SLC29A1: variants seen among roughly 807,000 people sequenced by gnomAD.
SLC29A1 encodes solute carrier family 29 member 1 (Augustine blood group).
A neutral mutation model predicts 48.3 loss-of-function variants in SLC29A1; 22 were observed. The ratio of observed to expected loss-of-function variants is 0.46; its 90% CI spans 0.33 to 0.65. The LOEUF is 0.65. Among genes scored for constraint, SLC29A1 ranks in the 30% least tolerant of loss-of-function variants. SLC29A1 has a pLI of 0.03. For synonymous variants in SLC29A1, 228 were observed against 231.0 expected, an observed-to-expected ratio of 0.99 and a Z score of 0.12; for missense variants, 491 against 575.3, an observed-to-expected ratio of 0.85 and a Z score of 1.50.
intron 9 of SLC29A1, among the ~76,000 whole-genome samples, 170 bp from the exon 10 acceptor site, chr6:44,231,828 A>C (rs1170176727): frequency 2.0e-5 from 3 of 152,136 alleles, no homozygotes; most frequent in Non-Finnish European, 4.4e-5. Context: ...GGGTTTCACC[A>C]GGTCAAGCTG....
chr6:44,226,769 G>A (rs575552560), intron 1 of SLC29A1: 87 of 1,000,234 alleles, frequency 8.7e-5, no homozygotes, highest in Non-Finnish European at 9.8e-5. Context: ...CGATGTTGTC[G>A]CAGCTGCTGC....
At position 44,229,044 on chromosome 6, in the gene SLC29A1, C is replaced by T. The variant is rs1025733645; in HGVS notation, c.30-346C>T. Among the ~76,000 whole-genome samples the T allele has an allele frequency of 1.1e-4, 17 of 152,232 alleles. No homozygotes were observed. The highest frequency in any genetic ancestry group is 3.4e-4 in the African/African-American group (14 of 41,454). ...TTGCTTTCTCACTCATCCACCCACC[C>T]CCTGCCCTTCGGCAGGATTTCCAAA... On this transcript the variant is annotated intron_variant, in intron 2 of 12. Coordinates refer to ENST00000371755, the MANE Select transcript of SLC29A1 (RefSeq NM_001372327.1). This position sits in a 1 kb window ranked among gnomAD's most constrained non-coding sequence, Gnocchi z 5.1.
rs902036426 is a variant in SLC29A1 at position 44,231,984 on chromosome 6, C to G, written c.865-14C>G. 1 of 1,585,042 alleles carries G rather than the reference C, an allele frequency of 6.3e-7. No individual in the cohort carries two copies. The highest frequency in any genetic ancestry group is 1.3e-5 in the African/African-American group (1 of 74,314). On this transcript the variant is annotated splice_polypyrimidine_tract_variant and intron_variant, in intron 9 of 12. Coordinates refer to ENST00000371755, the MANE Select transcript of SLC29A1 (RefSeq NM_001372327.1). ...AGACACAGGCATTTGGGTGACTCTA[C>G]CCCTTCTATCTAGATCTCAGTCCTG...
In SLC29A1 at chr6:44,229,910, C is replaced by T; in HGVS notation, c.318C>T (p.Ile106=). 1 of 1,612,906 alleles carries T rather than the reference C, an allele frequency of 6.2e-7. No individual in the cohort carries two copies. The change falls in exon 5 of 13, where the codon ATC becomes ATT. Residue 106 remains isoleucine (I), a synonymous_variant. Coordinates refer to ENST00000371755, the MANE Select transcript of SLC29A1 (RefSeq NM_001372327.1). The surrounding 1 kb of genome is among the most constrained non-coding windows in gnomAD (Gnocchi z 5.1). The stretch of plus-strand genomic sequence containing the variant: ...CACCCTTGGCCTCTCCCGGCAGGAT[C>T]CCCCAGTCCGTACGGATCCTGGGCA... ...TYLNSFLHQR[I]PQSVRILGSL...
rs756343901 is a variant in SLC29A1, at chr6:44,229,375, C to T, written c.30-15C>T. ...ATGGTGCGTCATTTGGCCCATCTTTCCTCCTCCATTGCAGATACAAAGCTG... is the reference window on the plus strand; with the variant it reads ...ATGGTGCGTCATTTGGCCCATCTTTTCTCCTCCATTGCAGATACAAAGCTG... On this transcript the variant is annotated splice_polypyrimidine_tract_variant and intron_variant, in intron 2 of 12. Transcript: ENST00000371755. This position sits in a 1 kb window ranked among gnomAD's most constrained non-coding sequence, Gnocchi z 5.1. 125 of 1,605,866 alleles carry T rather than the reference C, an allele frequency of 7.8e-5. No individual in the cohort carries two copies. The Admixed American group carries it at 2.0e-3, about 26-fold the overall frequency.
In SLC29A1 at chr6:44,230,667, T is replaced by C; in HGVS notation, c.687+2T>C. 6.3e-7 allele frequency: 1 copy of C among 1,584,982 alleles called. No individual in the cohort carries two copies. Among genetic ancestry groups the C allele is most frequent in the Non-Finnish European group, 8.5e-7 (1 of 1,171,150 alleles). ...TGTTACCTGGGCCTGCCCCGCCTGG[T>C]GAGTAAATGGAGGGAGCTGGGGTTT... On this transcript the variant is annotated splice_donor_variant, in intron 7 of 12. Transcript: ENST00000371755. LOFTEE classifies it high-confidence loss of function.
At chr6:44,222,933 G>C (rs1217401152), upstream of SLC29A1, among the ~76,000 whole-genome samples, 2 of 152,256 alleles carry the variant, frequency 1.3e-5, no homozygotes, top group African/African-American at 4.8e-5. Context: ...GCACACGCAA[G>C]CACAGGCAGA....
chr6:44,227,066 G>A lies in SLC29A1; in HGVS notation c.-51-197G>A, dbSNP rs115781628. ...TAGAGTCTGAGCAGGCAGGGGGGCC[G>A]CGCAGGACTGGCCTGCTGGGCCAGG... On this transcript the variant is annotated intron_variant, in intron 1 of 12. Transcript: ENST00000371755. The A allele has an allele frequency of 7.4e-3, 10,269 of 1,386,048 alleles. 475 individuals carry two copies. The African/African-American group carries it at 0.11, about 15-fold the overall frequency. 85.9% of individuals were successfully genotyped at this position (1,386,048 alleles called of 1,614,324 possible). A position where few individuals can be genotyped will look rare whatever the true frequency, so the allele number is the denominator to read the frequency against.
In SLC29A1 at chr6:44,229,177, C is replaced by T. The variant is rs778400969; in HGVS notation, c.30-213C>T. On this transcript the variant is annotated intron_variant, in intron 2 of 12. Transcript: ENST00000371755. The surrounding 1 kb of genome is among the most constrained non-coding windows in gnomAD (Gnocchi z 5.1). ...TCAGCCATGCCATTCAGTCCTATGACCCTGACCCCATCCCCACCCCAAATT... is the reference window on the plus strand; with the variant it reads ...TCAGCCATGCCATTCAGTCCTATGATCCTGACCCCATCCCCACCCCAAATT... Among the ~76,000 whole-genome samples, 2 of 152,210 alleles carry T rather than the reference C, an allele frequency of 1.3e-5. No homozygotes were observed. The highest frequency in any genetic ancestry group is 2.4e-5 in the African/African-American group (1 of 41,452).
Position 44,229,303 on chromosome 6 carries a change from G to A in SLC29A1, c.30-87G>A. 1.9e-6 allele frequency: 2 copies of A among 1,041,136 alleles called. No homozygotes were observed. Among genetic ancestry groups the A allele is most frequent in the Non-Finnish European group, 3.0e-6 (2 of 657,760 alleles). The allele number at this position is 1,041,136 out of a possible 1,614,324, so 64.5% of individuals were successfully genotyped here. On this transcript the variant is annotated intron_variant, in intron 2 of 12. Coordinates refer to ENST00000371755, the MANE Select transcript of SLC29A1 (RefSeq NM_001372327.1). The surrounding 1 kb of genome is among the most constrained non-coding windows in gnomAD (Gnocchi z 5.1). ...CTGTGCCCTGGGACCTAGAGAGACT[G>A]ACAACGGACAGGGGCTTTCCTGGGG...
chr6:44,224,928 G>C (rs1777150212), intron 1 of SLC29A1, among the ~76,000 whole-genome samples: 1 of 152,190 alleles, frequency 6.6e-6, no homozygotes, highest in Admixed American at 6.5e-5. Context: ...TGGGCAGGAG[G>C]AGAGGGCTGG....
In SLC29A1 at chr6:44,232,678, G is replaced by A. The variant is rs1259699060; in HGVS notation, c.1060-129G>A. The A allele has an allele frequency of 1.2e-6, 1 of 845,854 alleles. No individual in the cohort carries two copies. Among genetic ancestry groups the A allele is most frequent in the Non-Finnish European group, 1.9e-6 (1 of 530,454 alleles). The allele number at this position is 845,854 out of a possible 1,614,324, so 52.4% of individuals were successfully genotyped here. ...AGGCTCCACCATGCCCCTTTCAAGA[G>A]TAACCCCCTAAGGAGAACCAGGCTT... is the stretch of plus-strand genomic sequence containing the variant. On this transcript the variant is annotated intron_variant, in intron 11 of 12. Coordinates refer to ENST00000371755, the MANE Select transcript of SLC29A1 (RefSeq NM_001372327.1). The surrounding 1 kb of genome is among the most constrained non-coding windows in gnomAD (Gnocchi z 4.7).
At chr6:44,230,706 C>A in intron 7 of SLC29A1, 41 bp downstream of exon 7, 1 of 446,956 alleles carries the variant, frequency 2.2e-6, no homozygotes, top group South Asian at 1.7e-5. Flanking sequence ...GTATAGGGGT[C>A]TGGGGTTCCA....
At chr6:44,221,302 A>C (rs760093625), upstream of SLC29A1, among the ~76,000 whole-genome samples, 3 of 152,208 alleles carry the variant, frequency 2.0e-5, no homozygotes, top group Non-Finnish European at 4.4e-5. The surrounding 1 kb of genome is among the most constrained non-coding windows in gnomAD (Gnocchi z 4.2). Context: ...AGATACAGTC[A>C]CAAACACAAC....
In SLC29A1 at chr6:44,232,962, C is replaced by A; in HGVS notation, c.1215C>A (p.Phe405Leu). The A allele has an allele frequency of 6.2e-7, 1 of 1,613,948 alleles. No homozygotes were observed. The highest frequency in any genetic ancestry group is 8.5e-7 in the Non-Finnish European group (1 of 1,180,048). Residue 405 changes from phenylalanine (F) to leucine (L), a missense_variant, in exon 12 of 13, where the codon TTC becomes TTA. Coordinates refer to ENST00000371755, the MANE Select transcript of SLC29A1 (RefSeq NM_001372327.1). The surrounding 1 kb of genome is among the most constrained non-coding windows in gnomAD (Gnocchi z 4.7). ...WFIFFMAAFA[F>L]SNGYLASLCM... ...TCTTCTTCATGGCTGCCTTTGCCTT[C>A]TCCAACGGCTACCTCGCCAGCCTCT...
rs1266502686 is a variant in SLC29A1, at chr6:44,232,475, C to T, written c.1059+47C>T. On this transcript the variant is annotated intron_variant, in intron 11 of 12. Coordinates refer to ENST00000371755, the MANE Select transcript of SLC29A1 (RefSeq NM_001372327.1). The surrounding 1 kb of genome is among the most constrained non-coding windows in gnomAD (Gnocchi z 4.7). ...CAGGCCCCTGTGGGAAGTAAGAGTC[C>T]AGCCTGGACCCAGAGAGGGAACCCA... 1 of 1,270,490 alleles carries T rather than the reference C, an allele frequency of 7.9e-7. No homozygotes were observed. The highest frequency in any genetic ancestry group is 1.5e-5 in the African/African-American group (1 of 67,012). The allele number at this position is 1,270,490 out of a possible 1,614,324, so 78.7% of individuals were successfully genotyped here.
Position 44,232,239 on chromosome 6 carries a change from A to G in SLC29A1, c.974-104A>G. The G allele has an allele frequency of 2.6e-6, 3 of 1,151,774 alleles. No homozygotes were observed. Among genetic ancestry groups the G allele is most frequent in the Non-Finnish European group, 3.9e-6 (3 of 760,010 alleles). 71.3% of individuals were successfully genotyped at this position (1,151,774 alleles called of 1,614,324 possible). On this transcript the variant is annotated intron_variant, in intron 10 of 12. Coordinates refer to ENST00000371755, the MANE Select transcript of SLC29A1 (RefSeq NM_001372327.1). This position sits in a 1 kb window ranked among gnomAD's most constrained non-coding sequence, Gnocchi z 4.7. ...ATTTGCCCTTCCCTGGGCTGGAAGC[A>G]TCTTCTCCATTTTACTGTTGGGGAA... is the stretch of plus-strand genomic sequence containing the variant.
intron 1 of SLC29A1, chr6:44,225,649 A>G (rs912924588): frequency 1.3e-5 from 2 of 152,206 alleles, no homozygotes; most frequent in Admixed American, 1.3e-4. Flanking sequence ...CCTGGCTAGC[A>G]TGCACAGGTC....
Position 44,233,504 on chromosome 6 carries a change from C to T in SLC29A1, c.1347C>T (p.Ser449=), listed in dbSNP as rs1422345510. 3.1e-6 allele frequency: 5 copies of T among 1,614,050 alleles called. No individual in the cohort carries two copies. Among genetic ancestry groups the T allele is most frequent in the Non-Finnish European group, 4.2e-6 (5 of 1,179,892 alleles). Residue 449 remains serine, a synonymous_variant, in exon 13 of 13, where the codon TCC becomes TCT. Coordinates refer to ENST00000371755, the MANE Select transcript of SLC29A1 (RefSeq NM_001372327.1). The stretch of plus-strand genomic sequence containing the variant: ...GTCTGGCACTGGGGGCTGTTTTCTC[C>T]TTCCTGTTCCGGGCAATTGTGTGAC... The part of the protein sequence containing the change: ...CLGLALGAVF[S]FLFRAIV
Sources: gnomAD v4.1 joint callset for allele counts (sites outside exome capture counted in the v4.1 genomes callset) on GRCh38, gnomAD v4.1.1 for gene constraint, Gnocchi (gnomAD v3.1) non-coding constraint, MANE v1.5 for transcripts, NCBI Gene and HGNC (gene_info 2026-07-23, HGNC 2026-07-21) for gene names.